Variants in PCDHGA9 observed in about 807,000 individuals in gnomAD.
PCDHGA9 encodes protocadherin gamma-A9.
A neutral mutation model predicts 62.5 loss-of-function variants in PCDHGA9; 37 were observed. That is an observed-to-expected ratio of 0.59 (90% CI 0.46 to 0.78). The LOEUF (loss-of-function observed/expected upper bound fraction) is 0.78, where lower values mean the gene tolerates loss of function less well. Ranked by LOEUF, PCDHGA9 falls within the 30% of genes least tolerant of loss-of-function variation. PCDHGA9 has a pLI of 0.00. For missense variants in PCDHGA9, 1,138 were observed against 1,166.2 expected (o/e 0.98, Z 0.35); for synonymous variants, 459 against 484.6 (o/e 0.95, Z 0.69).
intron 1 of PCDHGA9, chr5:141,433,315 TCCGGTGTAACAGGGACTA>T: frequency 1.2e-6 from 1 of 856,086 alleles, no homozygotes; most frequent in Non-Finnish European, 1.8e-6. Flanking sequence ...CACCTTTGCC[TCCGGTGTAACAGGGACTA>T]CAGGTGCAAG....
chr5:141,480,660 C>T (rs535356928), intron 1 of PCDHGA9, among the ~76,000 whole-genome samples: 2 of 152,170 alleles, frequency 1.3e-5, no homozygotes, highest in Non-Finnish European at 2.9e-5. Flanking sequence ...ACATTAAAAT[C>T]ACCTAGAGAC....
intron 1 of PCDHGA9, chr5:141,423,010 G>C: frequency 6.2e-7 from 1 of 1,614,226 alleles, no homozygotes; most frequent in South Asian, 1.1e-5. Context: ...GGTGGTTGCG[G>C]TGGACAAAGA....
At chr5:141,460,724 A>C (rs1294708205) in intron 1 of PCDHGA9, among the ~76,000 whole-genome samples, 1 of 152,114 alleles carries the variant, frequency 6.6e-6, no homozygotes, top group African/African-American at 2.4e-5. Context: ...TGTTATAAGC[A>C]TATATACACA....
At position 141,485,229 on chromosome 5, in the gene PCDHGA9, TC is replaced by T; in HGVS notation, c.2425-9576del. On this transcript the variant is annotated intron_variant, in intron 1 of 3. Transcript: ENST00000573521. The surrounding 1 kb of genome is among the most constrained non-coding windows in gnomAD (Gnocchi z 5.7). ...ATCTGGCGGTGGGCTACCCTTTTGT[TC>T]CTCTTTTACCACCTGGGTTACGTTT... 6.2e-7 allele frequency: 1 copy of T among 1,614,160 alleles called. No homozygotes were observed. The highest frequency in any genetic ancestry group is 8.5e-7 in the Non-Finnish European group (1 of 1,180,022).
chr5:141,422,414 A>G (rs2096646645), intron 1 of PCDHGA9: 1 of 1,604,894 alleles, frequency 6.2e-7, no homozygotes, highest in Admixed American at 1.7e-5. Context: ...TTTAAATTAG[A>G]AAAGACTTAT....
At chr5:141,427,006 G>C (rs1288837425) in intron 1 of PCDHGA9, 3 of 456,792 alleles carry the variant, frequency 6.6e-6, no homozygotes, top group South Asian at 3.1e-5. Flanking sequence ...CCAGTTTTTA[G>C]CCAGGATGTA....
In PCDHGA9 at chr5:141,485,124, C is replaced by A; in HGVS notation, c.2425-9683C>A. ...GCTGCTGTGGCTGTTTGGGGCGGGT[C>A]GGCTTCATCCGCGTCTCAGGAGCAA... is the stretch of plus-strand genomic sequence containing the variant. On this transcript the variant is annotated intron_variant, in intron 1 of 3. Transcript: ENST00000573521. The surrounding 1 kb of genome is among the most constrained non-coding windows in gnomAD (Gnocchi z 5.7). 2 of 1,390,136 alleles carry A rather than the reference C, an allele frequency of 1.4e-6. No homozygotes were observed. The highest frequency in any genetic ancestry group is 2.5e-5 in the South Asian group (2 of 80,180). 86.1% of individuals were successfully genotyped at this position (1,390,136 alleles called of 1,614,324 possible). A position where few individuals can be genotyped will look rare whatever the true frequency, so the allele number is the denominator to read the frequency against.
intron 1 of PCDHGA9, chr5:141,478,773 T>C (rs975950601): frequency 1.3e-6 from 2 of 1,496,766 alleles, no homozygotes; most frequent in African/African-American, 2.8e-5. Context: ...GACTCATCTG[T>C]GGACCTAATT....
chr5:141,416,819 G>A (rs952251457), intron 1 of PCDHGA9: 5 of 151,982 alleles, frequency 3.3e-5, no homozygotes, highest in African/African-American at 9.7e-5. Flanking sequence ...AAAGCATTCC[G>A]AAGTTTCTCA....
In PCDHGA9 at chr5:141,432,536, G is replaced by A. The variant is rs767744134; in HGVS notation, c.2424+27160G>A. 6.2e-7 allele frequency: 1 copy of A among 1,614,050 alleles called. No individual in the cohort carries two copies. Among genetic ancestry groups the A allele is most frequent in the Non-Finnish European group, 8.5e-7 (1 of 1,180,006 alleles). On this transcript the variant is annotated intron_variant, in intron 1 of 3. Coordinates refer to ENST00000573521, the MANE Select transcript of PCDHGA9 (RefSeq NM_018921.3). This position sits in a 1 kb window ranked among gnomAD's most constrained non-coding sequence, Gnocchi z 6.0. ...CGGCTACCTGGTGACCAAGGTGGTG[G>A]CGGTGGACAGAGACTCCGGCCAGAA...
At chr5:141,421,069 AGATG>A in intron 1 of PCDHGA9, 1 of 598,532 alleles carries the variant, frequency 1.7e-6, no homozygotes, top group Non-Finnish European at 2.8e-6. Context: ...AAGCGGAATG[AGATG>A]GATACTCACA....
At chr5:141,494,940 AG>A (rs888721888) in intron 2 of PCDHGA9, 75 bp downstream of exon 2, 1 of 1,610,860 alleles carries the variant, frequency 6.2e-7, no homozygotes, top group Non-Finnish European at 8.5e-7. Flanking sequence ...GAGATGGGGG[AG>A]GGCCCAGCAT....
Position 141,409,092 on chromosome 5 carries a change from A to C in PCDHGA9, c.2424+3716A>C, listed in dbSNP as rs150634031. On this transcript the variant is annotated intron_variant, in intron 1 of 3. Coordinates refer to ENST00000573521, the MANE Select transcript of PCDHGA9 (RefSeq NM_018921.3). ...AAACATATGTTCTCATTGGATGAGA[A>C]AACAGGTATGATTAAGAATAACCAG... 12 of 1,614,050 alleles carry C rather than the reference A, an allele frequency of 7.4e-6. No homozygotes were observed. The East Asian group carries it at 2.7e-4, about 36-fold the overall frequency.
Position 141,489,492 on chromosome 5 carries a change from G to C in PCDHGA9, c.2425-5315G>C. On this transcript the variant is annotated intron_variant, in intron 1 of 3. Coordinates refer to ENST00000573521, the MANE Select transcript of PCDHGA9 (RefSeq NM_018921.3). This position sits in a 1 kb window ranked among gnomAD's most constrained non-coding sequence, Gnocchi z 4.5. The stretch of plus-strand genomic sequence containing the variant: ...CCCTGAGCTTGATGAGTGGTGCCCT[G>C]GCAGTGAATCAAAAGATTGACCGAG... The C allele has an allele frequency of 6.2e-7, 1 of 1,614,042 alleles. No homozygotes were observed. The highest frequency in any genetic ancestry group is 8.5e-7 in the Non-Finnish European group (1 of 1,180,034).
At chr5:141,501,997 C>A (rs2099812238) in intron 2 of PCDHGA9, among the ~76,000 whole-genome samples, 1 of 152,128 alleles carries the variant, frequency 6.6e-6, no homozygotes, top group Non-Finnish European at 1.5e-5. Context: ...GTCTCCCTGA[C>A]AACCCGCATG....
rs143083513 is a variant in PCDHGA9 at position 141,431,088 on chromosome 5, T to C, written c.2424+25712T>C. On this transcript the variant is annotated intron_variant, in intron 1 of 3. Coordinates refer to ENST00000573521, the MANE Select transcript of PCDHGA9 (RefSeq NM_018921.3). This position sits in a 1 kb window ranked among gnomAD's most constrained non-coding sequence, Gnocchi z 4.8. The stretch of plus-strand genomic sequence containing the variant: ...TGTCAATTAAATCTAGACATTCTGA[T>C]GGAGGATAAAGTGAAAATATATGGA... 106 of 1,614,180 alleles carry C rather than the reference T, an allele frequency of 6.6e-5. 1 individual carries two copies. The highest frequency in any genetic ancestry group is 3.1e-4 in the East Asian group (14 of 44,890).
At chr5:141,406,957 G>A (rs184355186) in intron 1 of PCDHGA9, among the ~76,000 whole-genome samples, 69 of 152,242 alleles carry the variant, frequency 4.5e-4, no homozygotes, top group African/African-American at 1.6e-3. Context: ...ACATAGTGTT[G>A]TTTCAAATAG....
chr5:141,476,747 C>A lies in PCDHGA9; in HGVS notation c.2425-18060C>A. 1 of 1,614,066 alleles carries A rather than the reference C, an allele frequency of 6.2e-7. No homozygotes were observed. The highest frequency in any genetic ancestry group is 1.3e-5 in the African/African-American group (1 of 75,074). On this transcript the variant is annotated intron_variant, in intron 1 of 3. Transcript: ENST00000573521. The surrounding 1 kb of genome is among the most constrained non-coding windows in gnomAD (Gnocchi z 7.6). ...GGACCGAGAACGGGAGCCTAGTCTCCAGTTAGTGCTGACGGCGTTGGACGG... is the reference window on the plus strand; with the variant it reads ...GGACCGAGAACGGGAGCCTAGTCTCAAGTTAGTGCTGACGGCGTTGGACGG...
In PCDHGA9 at chr5:141,511,351, C is replaced by A. The variant is rs1190324197; in HGVS notation, c.*178C>A. 11 of 1,386,432 alleles carry A rather than the reference C, an allele frequency of 7.9e-6. No individual in the cohort carries two copies. Among genetic ancestry groups the A allele is most frequent in the South Asian group, 4.5e-5 (3 of 67,158 alleles). The allele number at this position is 1,386,432 out of a possible 1,614,324, so 85.9% of individuals were successfully genotyped here. On this transcript the variant is annotated 3_prime_UTR_variant, in exon 4 of 4. Transcript: ENST00000573521. ...CCAGTCAGCACCTACCCCTTCCCCC[C>A]CAGGGGGTTGAATATGCAAAAGCAG...
Sources: allele counts gnomAD v4.1 joint callset (sites outside exome capture counted in the v4.1 genomes callset), GRCh38; gene constraint gnomAD v4.1.1; non-coding constraint Gnocchi (gnomAD v3.1); transcripts MANE v1.5; gene names NCBI Gene and HGNC (gene_info 2026-07-23, HGNC 2026-07-21).